The following SLC4A4 variants were observed in gnomAD, a reference collection of about 807,000 sequenced individuals.
SLC4A4 encodes the protein electrogenic sodium bicarbonate cotransporter 1.
Under a neutral mutation model 111.5 loss-of-function variants are expected in SLC4A4, and 27 were observed. That is an observed-to-expected ratio of 0.24 (90% CI 0.18 to 0.33). The LOEUF (loss-of-function observed/expected upper bound fraction) is 0.33, where lower values mean the gene tolerates loss of function less well. Ranked by LOEUF, SLC4A4 falls within the 10% of genes least tolerant of loss-of-function variation. The pLI is 1.00. For synonymous variants in SLC4A4, 443 were observed against 463.4 expected (o/e 0.96, Z 0.57); for missense variants, 909 against 1,315.5 (o/e 0.69, Z 4.78).
chr4:71,141,502 G>T (rs1578517805), intron 2 of SLC4A4, among the ~76,000 whole-genome samples: 1 of 151,954 alleles, frequency 6.6e-6, no homozygotes, highest in Admixed American at 6.6e-5. Context: ...TCTTCTCTTG[G>T]GCATGCTTCT....
At chr4:71,228,145 G>A (rs887194795) in intron 1 of SLC4A4, among the ~76,000 whole-genome samples, 6 of 152,064 alleles carry the variant, frequency 3.9e-5, no homozygotes, top group African/African-American at 1.4e-4. Flanking sequence ...ACCTTCCCTG[G>A]TCTCTGAGCC....
At chr4:71,558,759 T>G (rs1445247504) in intron 22 of SLC4A4, among the ~76,000 whole-genome samples, 1 of 151,942 alleles carries the variant, frequency 6.6e-6, no homozygotes, top group Non-Finnish European at 1.5e-5. Flanking sequence ...GTTTGAAATT[T>G]TTTTCGTCCA....
chr4:71,384,808 T>A (rs147010955), intron 6 of SLC4A4, among the ~76,000 whole-genome samples: 26 of 152,156 alleles, frequency 1.7e-4, no homozygotes, highest in Admixed American at 5.2e-4. Context: ...GTAGCAAATA[T>A]TGACAGGGTC....
chr4:71,415,582 T>G (rs1721758352), intron 7 of SLC4A4, among the ~76,000 whole-genome samples: 1 of 152,222 alleles, frequency 6.6e-6, no homozygotes, highest in South Asian at 2.1e-4. Context: ...GGCACAGATA[T>G]TTTTAATGCA....
intron 14 of SLC4A4, among the ~76,000 whole-genome samples, chr4:71,476,602 G>A (rs1317509685): frequency 6.6e-6 from 1 of 151,644 alleles, no homozygotes; most frequent in East Asian, 1.9e-4. Context: ...ATATGTGTGT[G>A]CTTTGTCAAG....
chr4:71,568,170 C>G lies in SLC4A4; in HGVS notation c.*419C>G. The G allele has an allele frequency of 3.3e-6, 1 of 302,756 alleles. No individual in the cohort carries two copies. Among genetic ancestry groups the G allele is most frequent in the Non-Finnish European group, 6.1e-6 (1 of 164,244 alleles). 18.8% of individuals were successfully genotyped at this position (302,756 alleles called of 1,614,324 possible). A position where few individuals can be genotyped will look rare whatever the true frequency, so the allele number is the denominator to read the frequency against. ...ACTCAAGACACAGACACGCACAGAC[C>G]CTGTCCTTTGCCTCTATTAAGCAGA... On this transcript the variant is annotated 3_prime_UTR_variant, in exon 26 of 26. Coordinates refer to ENST00000264485, the MANE Select transcript of SLC4A4 (RefSeq NM_001098484.3).
At chr4:71,351,167 C>T (rs1729792027) in intron 5 of SLC4A4, among the ~76,000 whole-genome samples, 1 of 152,180 alleles carries the variant, frequency 6.6e-6, no homozygotes, top group Non-Finnish European at 1.5e-5. Context: ...GGTTCAGTGA[C>T]TTTGATGGTG....
intron 1 of SLC4A4, among the ~76,000 whole-genome samples, chr4:71,090,412 C>G (rs1364692077): frequency 6.6e-6 from 1 of 152,162 alleles, no homozygotes; most frequent in Non-Finnish European, 1.5e-5. Context: ...CCTGCACCCA[C>G]TTTCTGACAC....
intron 3 of SLC4A4, among the ~76,000 whole-genome samples, chr4:71,278,475 C>G (rs928930030): frequency 6.6e-6 from 1 of 152,182 alleles, no homozygotes; most frequent in African/African-American, 2.4e-5. Context: ...AGTGGGATTG[C>G]TGGATCCTAT....
chr4:71,524,305 G>T (rs1226596016), intron 16 of SLC4A4, among the ~76,000 whole-genome samples: 2 of 152,108 alleles, frequency 1.3e-5, no homozygotes. Context: ...ATTTGCTTCT[G>T]GTATACACAC....
intron 1 of SLC4A4, among the ~76,000 whole-genome samples, chr4:71,209,985 C>T (rs1718032625): frequency 1.3e-5 from 2 of 152,170 alleles, no homozygotes; most frequent in South Asian, 4.1e-4. Context: ...ATACACTTTT[C>T]CGGAGAACGC....
intron 8 of SLC4A4, among the ~76,000 whole-genome samples, chr4:71,445,170 T>A (rs1458670479): frequency 2.0e-5 from 3 of 152,192 alleles, no homozygotes; most frequent in Non-Finnish European, 4.4e-5. Flanking sequence ...ACTGGTTCTA[T>A]TTAGCAGAGA....
In SLC4A4 at chr4:71,546,403, A is replaced by T; in HGVS notation, c.2496A>T (p.Ile832=). The change falls in exon 19 of 26, where the codon ATA becomes ATT. Residue 832 remains isoleucine, a synonymous_variant. Transcript: ENST00000264485. The part of the protein sequence containing the change: ...DLFWVAILMV[I]CSLMALPWYV... ...TTTGGGTGGCCATCCTCATGGTTATATGCTCCCTCATGGCTCTTCCGTGGT... is the reference window on the plus strand; with the variant it reads ...TTTGGGTGGCCATCCTCATGGTTATTTGCTCCCTCATGGCTCTTCCGTGGT... 1 of 1,612,824 alleles carries T rather than the reference A, an allele frequency of 6.2e-7. No individual in the cohort carries two copies. The highest frequency in any genetic ancestry group is 2.2e-5 in the East Asian group (1 of 44,828).
intron 16 of SLC4A4, among the ~76,000 whole-genome samples, chr4:71,512,219 GGTAGTCTA>G (rs1731994366): frequency 6.6e-6 from 1 of 151,992 alleles, no homozygotes; most frequent in East Asian, 1.9e-4. Context: ...TAGTGACTGT[GGTAGTCTA>G]CCACAGTCTA....
At chr4:71,063,330 A>G (rs1328056717) in intron 1 of SLC4A4, among the ~76,000 whole-genome samples, 1 of 152,160 alleles carries the variant, frequency 6.6e-6, no homozygotes, top group Non-Finnish European at 1.5e-5. Flanking sequence ...TAATTTGCCA[A>G]AATCTCCATT....
intron 2 of SLC4A4, among the ~76,000 whole-genome samples, chr4:71,166,646 G>T (rs1744751584): frequency 6.6e-6 from 1 of 152,140 alleles, no homozygotes. Flanking sequence ...ATGCATCAGG[G>T]TTTTAAAATG....
intron 2 of SLC4A4, among the ~76,000 whole-genome samples, chr4:71,151,695 G>T (rs1221940739): frequency 6.6e-6 from 1 of 151,310 alleles, no homozygotes; most frequent in Non-Finnish European, 1.5e-5. Context: ...GAGGCGGGAG[G>T]ATCACTTGAC....
At chr4:71,565,805 GGGT>G (rs1386187797) in intron 24 of SLC4A4, among the ~76,000 whole-genome samples, 1 of 151,798 alleles carries the variant, frequency 6.6e-6, no homozygotes, top group Non-Finnish European at 1.5e-5. Flanking sequence ...GTCTGAAGCT[GGGT>G]GTCTGCTTCC....
chr4:71,404,784 T>C (rs1720689997), intron 7 of SLC4A4, among the ~76,000 whole-genome samples: 1 of 152,008 alleles, frequency 6.6e-6, no homozygotes, highest in Non-Finnish European at 1.5e-5. Context: ...TGTAAATATA[T>C]ATAGGGAATC....
Sources: allele counts gnomAD v4.1 joint callset (sites outside exome capture counted in the v4.1 genomes callset), GRCh38; gene constraint gnomAD v4.1.1; transcripts MANE v1.5; gene names NCBI Gene and HGNC (gene_info 2026-07-23, HGNC 2026-07-21).